The following TRPC3 variants were observed in gnomAD, a reference collection of about 807,000 sequenced individuals.
The protein encoded by TRPC3 is transient receptor potential cation channel subfamily C member 3, also known as short transient receptor potential channel 3.
TRPC3 carries 54 observed loss-of-function variants against 90.9 expected under a neutral mutation model. The observed-to-expected ratio is 0.59, with a 90% CI of 0.48 to 0.75. The LOEUF is 0.75. TRPC3 is among the 30% of genes least tolerant of loss of function. The probability of loss-of-function intolerance (pLI) is 0.00; values close to 1 mark genes in which losing one functional copy is unlikely to be tolerated. For synonymous variants in TRPC3, 424 were observed against 450.9 expected, an observed-to-expected ratio of 0.94 and a Z score of 0.75; for missense variants, 918 against 1,194.5, an observed-to-expected ratio of 0.77 and a Z score of 3.41.
At chr4:121,942,259 T>C (rs1730343939) in intron 1 of TRPC3, among the ~76,000 whole-genome samples, 1 of 152,196 alleles carries the variant, frequency 6.6e-6, no homozygotes, top group African/African-American at 2.4e-5. Flanking sequence ...GAATTCTTCA[T>C]GCATAATTTT....
chr4:121,928,388 T>C (rs1481554200), intron 2 of TRPC3, among the ~76,000 whole-genome samples: 2 of 152,198 alleles, frequency 1.3e-5, no homozygotes, highest in Non-Finnish European at 2.9e-5. Flanking sequence ...GTTATAGTCA[T>C]TGGATACCAT....
At chr4:121,914,592 T>C (rs946625655) in intron 4 of TRPC3, among the ~76,000 whole-genome samples, 188 bp downstream of exon 4, 1 of 152,258 alleles carries the variant, frequency 6.6e-6, no homozygotes, top group Non-Finnish European at 1.5e-5. Context: ...TATATCCCAC[T>C]GGTACCAAAT....
chr4:121,949,985 A>G (rs1484720013), intron 1 of TRPC3, among the ~76,000 whole-genome samples: 2 of 152,240 alleles, frequency 1.3e-5, no homozygotes, highest in East Asian at 3.8e-4. Flanking sequence ...ATAAAAAAAC[A>G]GCTACGTTAT....
chr4:121,914,645 G>A lies in TRPC3; in HGVS notation c.1341+135C>T, dbSNP rs973660459. The A allele has an allele frequency of 9.4e-6, 9 of 955,316 alleles. No individual in the cohort carries two copies. The African/African-American group carries it at 1.3e-4, about 14-fold the overall frequency. 59.2% of individuals were successfully genotyped at this position (955,316 alleles called of 1,614,324 possible). ...TTGAATTGATCCAGTAATTAAAAAG[G>A]AGAATCTGTGTTCTTGAATCAATTA... On this transcript the variant is annotated intron_variant, in intron 4 of 11. Coordinates refer to ENST00000379645, the MANE Select transcript of TRPC3 (RefSeq NM_001130698.2).
At chr4:121,908,699 T>C (rs979550962) in intron 6 of TRPC3, among the ~76,000 whole-genome samples, 4 of 151,898 alleles carry the variant, frequency 2.6e-5, no homozygotes, top group Non-Finnish European at 4.4e-5. Context: ...GACATAAACA[T>C]AGCAACAATG....
At position 121,934,985 on chromosome 4, in the gene TRPC3, T is replaced by A. The variant is rs3811744; in HGVS notation, c.216-1943A>T. Among the ~76,000 whole-genome samples the A allele has an allele frequency of 4.1e-4, 63 of 152,300 alleles. 3 individuals are homozygous for A. The East Asian group carries it at 0.012, about 29-fold the overall frequency. ...AACTTTTAAAAATTAAATAAACATA[T>A]TTGTTTTATATACACATATGTGTTT... On this transcript the variant is annotated intron_variant, in intron 1 of 11. Coordinates refer to ENST00000379645, the MANE Select transcript of TRPC3 (RefSeq NM_001130698.2).
chr4:121,950,272 G>T (rs563501312), intron 1 of TRPC3, among the ~76,000 whole-genome samples: 1 of 152,214 alleles, frequency 6.6e-6, no homozygotes, highest in Non-Finnish European at 1.5e-5. Context: ...GACTCTGCGC[G>T]CGCGGAGCAG....
At chr4:121,902,077 A>G (rs560316566) in intron 9 of TRPC3, among the ~76,000 whole-genome samples, 25 of 152,318 alleles carry the variant, frequency 1.6e-4, no homozygotes, top group African/African-American at 5.8e-4. Flanking sequence ...AGGAAGGCCT[A>G]TGCTTTATGG....
intron 1 of TRPC3, among the ~76,000 whole-genome samples, chr4:121,939,319 TG>T (rs1730229339): frequency 6.6e-6 from 1 of 152,208 alleles, no homozygotes; most frequent in South Asian, 2.1e-4. Context: ...TTGAGGATTT[TG>T]CAAGCAGAAT....
chr4:121,932,886 G>T lies in TRPC3; in HGVS notation c.372C>A (p.Asn124Lys). 6.2e-7 allele frequency: 1 copy of T among 1,614,068 alleles called. No homozygotes were observed. Among genetic ancestry groups the T allele is most frequent in the Non-Finnish European group, 8.5e-7 (1 of 1,179,986 alleles). ...CCAGCATCTTGCGCACCACTGGGAT[G>T]TTGCCGTACTCGGCGGCGTCGAGGA... is the stretch of plus-strand genomic sequence containing the variant. ...ERFLDAAEYG[N>K]IPVVRKMLEE... The change falls in exon 2 of 12, where the codon AAC (asparagine) becomes AAA (lysine). Residue 124 changes from asparagine (N) to lysine (K), a missense_variant. Asn to Lys is a moderately conservative substitution (Grantham distance 94). Transcript: ENST00000379645. The surrounding 1 kb of genome is among the most constrained non-coding windows in gnomAD (Gnocchi z 7.7).
At chr4:121,942,734 T>C (rs1730362399) in intron 1 of TRPC3, among the ~76,000 whole-genome samples, 2 of 152,200 alleles carry the variant, frequency 1.3e-5, no homozygotes, top group Admixed American at 1.3e-4. Flanking sequence ...CATAAAAGCA[T>C]GAGTAGCTCT....
At chr4:121,930,543 C>A (rs748643494) in intron 2 of TRPC3, among the ~76,000 whole-genome samples, 7 of 152,024 alleles carry the variant, frequency 4.6e-5, no homozygotes, top group African/African-American at 1.7e-4. Context: ...ACTGAGCTGA[C>A]GACTCTGGGT....
rs1234960262 is a variant in TRPC3, at chr4:121,907,566, A to G, written c.1794T>C (p.Ala598=). The G allele has an allele frequency of 6.3e-7, 1 of 1,593,452 alleles. No individual in the cohort carries two copies. Among genetic ancestry groups the G allele is most frequent in the African/African-American group, 1.4e-5 (1 of 73,588 alleles). ...GGTCAGAAGGGAGCCATTTATCTCTAGCTAGAAAAAAGAGAGAAAGAGATT... is the reference window on the plus strand; with the variant it reads ...GGTCAGAAGGGAGCCATTTATCTCTGGCTAGAAAAAAGAGAGAAAGAGATT... The part of the protein sequence containing the change: ...LPPEIQYFTY[A]RDKWLPSDPQ... Residue 598 remains alanine (A), a splice_region_variant and synonymous_variant, in exon 7 of 12, where the codon GCT becomes GCC. Transcript: ENST00000379645.
At chr4:121,917,821 C>A (rs1729368620) in intron 3 of TRPC3, among the ~76,000 whole-genome samples, 1 of 152,108 alleles carries the variant, frequency 6.6e-6, no homozygotes, top group African/African-American at 2.4e-5. Flanking sequence ...ACAGGTGGAG[C>A]ATATAATGTC....
At chr4:121,923,514 A>G (rs923096025) in intron 3 of TRPC3, among the ~76,000 whole-genome samples, 2 of 151,980 alleles carry the variant, frequency 1.3e-5, no homozygotes, top group East Asian at 3.8e-4. Flanking sequence ...CTGGGTATGA[A>G]TTTTCATAAT....
chr4:121,935,383 G>A lies in TRPC3; in HGVS notation c.216-2341C>T, dbSNP rs536640830. Among the ~76,000 whole-genome samples the A allele has an allele frequency of 5.3e-5, 8 of 151,282 alleles. No homozygotes were observed. The East Asian group carries it at 1.4e-3, about 26-fold the overall frequency. ...ATGTGTGGTATGTGTGGGAGACAAG[G>A]GAAGGGTGCAAGTCTGAGTTGGGGG... On this transcript the variant is annotated intron_variant, in intron 1 of 11. Coordinates refer to ENST00000379645, the MANE Select transcript of TRPC3 (RefSeq NM_001130698.2).
At chr4:121,935,294 ATG>A (rs1161594272) in intron 1 of TRPC3, among the ~76,000 whole-genome samples, 11 of 152,114 alleles carry the variant, frequency 7.2e-5, no homozygotes, top group African/African-American at 2.7e-4. Context: ...AGTGAAATAA[ATG>A]TGCTGTGTTT....
chr4:121,934,865 C>A (rs1730077267), intron 1 of TRPC3, among the ~76,000 whole-genome samples: 1 of 152,218 alleles, frequency 6.6e-6, no homozygotes, highest in Non-Finnish European at 1.5e-5. Flanking sequence ...GGTATGGCAA[C>A]TAAAGGGGTC....
chr4:121,896,999 C>G (rs139203603), intron 10 of TRPC3, among the ~76,000 whole-genome samples: 2 of 151,948 alleles, frequency 1.3e-5, no homozygotes, highest in African/African-American at 4.8e-5. Context: ...TGTCTATAAC[C>G]AACTGAGTTT....
Sources: allele counts gnomAD v4.1 joint callset (sites outside exome capture counted in the v4.1 genomes callset), GRCh38; gene constraint gnomAD v4.1.1; non-coding constraint Gnocchi (gnomAD v3.1); transcripts MANE v1.5; gene names NCBI Gene and HGNC (gene_info 2026-07-23, HGNC 2026-07-21).